Variants in SLC26A7 observed in about 807,000 individuals in gnomAD.
SLC26A7 encodes anion exchange transporter.
SLC26A7 carries 59 observed loss-of-function variants against 82.5 expected under a neutral mutation model. That is an observed-to-expected ratio of 0.72 (90% CI 0.58 to 0.89). The LOEUF is 0.89. Ranked by LOEUF, SLC26A7 falls within the 40% of genes least tolerant of loss-of-function variation. The probability of loss-of-function intolerance (pLI) is 0.00; values close to 1 mark genes in which losing one functional copy is unlikely to be tolerated. For synonymous variants in SLC26A7, 271 were observed against 274.3 expected (o/e 0.99, Z 0.12); for missense variants, 820 against 793.0 (o/e 1.03, Z -0.41).
rs142828032 is a variant in SLC26A7, at chr8:91,322,429, T to G, written c.642+4049T>G. Reference sequence around the variant, plus strand: ...TCCTGGCTCAGAAGTTAAATTGTTCTATTCTTGGCTTCCTTTAAATTCAAA... The same window carrying G: ...TCCTGGCTCAGAAGTTAAATTGTTCGATTCTTGGCTTCCTTTAAATTCAAA... On this transcript the variant is annotated intron_variant, in intron 5 of 18. Transcript: ENST00000276609. Among the ~76,000 whole-genome samples the G allele has an allele frequency of 3.2e-3, 492 of 152,306 alleles. 4 individuals carry two copies. Among genetic ancestry groups the G allele is most frequent in the African/African-American group, 0.011 (459 of 41,564 alleles).
chr8:91,326,930 C>T (rs1014613501), intron 5 of SLC26A7, among the ~76,000 whole-genome samples: 1 of 152,164 alleles, frequency 6.6e-6, no homozygotes, highest in Non-Finnish European at 1.5e-5. Flanking sequence ...ATGGCCTTCC[C>T]TGCTGTTTGT....
chr8:91,252,298 A>G (rs1810681007), intron 2 of SLC26A7, among the ~76,000 whole-genome samples: 1 of 152,118 alleles, frequency 6.6e-6, no homozygotes, highest in African/African-American at 2.4e-5. Context: ...ATTTAAATTA[A>G]GGATAATGGA....
intron 2 of SLC26A7, among the ~76,000 whole-genome samples, chr8:91,281,056 G>GA (rs1308578363): frequency 1.3e-5 from 2 of 151,992 alleles, no homozygotes; most frequent in African/African-American, 4.8e-5. Context: ...TCTCCCATTA[G>GA]AAAAAAATTT....
intron 11 of SLC26A7, among the ~76,000 whole-genome samples, chr8:91,358,717 G>A (rs1266806245): frequency 6.6e-6 from 1 of 152,150 alleles, no homozygotes; most frequent in African/African-American, 2.4e-5. Context: ...TTAAGAAAAT[G>A]TGGCACATAC....
At chr8:91,264,304 G>A (rs1811050208) in intron 2 of SLC26A7, among the ~76,000 whole-genome samples, 1 of 152,066 alleles carries the variant, frequency 6.6e-6, no homozygotes, top group Non-Finnish European at 1.5e-5. Flanking sequence ...GAATCACTGG[G>A]AGAAAAATCA....
intron 2 of SLC26A7, among the ~76,000 whole-genome samples, chr8:91,281,929 G>C (rs939925528): frequency 3.3e-5 from 5 of 152,078 alleles, no homozygotes; most frequent in Non-Finnish European, 5.9e-5. Flanking sequence ...TCTTTTGTTG[G>C]TATTTGCTAG....
At chr8:91,265,761 G>T (rs76881211) in intron 2 of SLC26A7, among the ~76,000 whole-genome samples, 1,575 of 151,966 alleles carry the variant, frequency 0.01, 19 homozygotes, top group African/African-American at 0.036. Flanking sequence ...TGTGGGGTGT[G>T]TGTGTGCGCA....
intron 4 of SLC26A7, among the ~76,000 whole-genome samples, chr8:91,303,062 G>T (rs761781563): frequency 6.6e-6 from 1 of 152,022 alleles, no homozygotes; most frequent in African/African-American, 2.4e-5. Context: ...AATTGATGCA[G>T]TTTTGTACTA....
intron 5 of SLC26A7, among the ~76,000 whole-genome samples, chr8:91,325,522 G>C (rs993046424): frequency 1.3e-5 from 2 of 152,136 alleles, no homozygotes; most frequent in African/African-American, 2.4e-5. Context: ...ACAGCTTTCA[G>C]AATCAAGTTG....
rs1810595865 is a variant in SLC26A7, at chr8:91,249,403, A to G, written c.-124A>G. 3.2e-6 allele frequency: 1 copy of G among 314,406 alleles called. No homozygotes were observed. Among genetic ancestry groups the G allele is most frequent in the Non-Finnish European group, 5.8e-6 (1 of 173,898 alleles). The allele number at this position is 314,406 out of a possible 1,614,324, so 19.5% of individuals were successfully genotyped here. ...AACAGGAACTACTTCTCCTTCAGATAAGAATTCAAGGTTTTAATCTATAGT... is the reference window on the plus strand; with the variant it reads ...AACAGGAACTACTTCTCCTTCAGATGAGAATTCAAGGTTTTAATCTATAGT... On this transcript the variant is annotated 5_prime_UTR_variant, in exon 1 of 19. The change creates a new upstream start codon in the 5' untranslated region. Transcript: ENST00000276609.
intron 11 of SLC26A7, among the ~76,000 whole-genome samples, chr8:91,355,287 G>A (rs1262165625): frequency 6.6e-6 from 1 of 152,052 alleles, no homozygotes; most frequent in Non-Finnish European, 1.5e-5. Flanking sequence ...TCAAATTTCT[G>A]AGCATGACAT....
At chr8:91,382,503 A>G (rs1563711491) in intron 15 of SLC26A7, among the ~76,000 whole-genome samples, 1 of 152,202 alleles carries the variant, frequency 6.6e-6, no homozygotes, top group Non-Finnish European at 1.5e-5. Context: ...GAGAAGTAAA[A>G]TATATTGAAG....
At chr8:91,394,368 T>C in intron 18 of SLC26A7, 2 of 1,547,906 alleles carry the variant, frequency 1.3e-6, no homozygotes, top group Non-Finnish European at 1.7e-6. Flanking sequence ...AATCCACCTT[T>C]CTCAAATATA....
chr8:91,330,535 C>T (rs1024079263), intron 5 of SLC26A7, among the ~76,000 whole-genome samples: 4 of 152,072 alleles, frequency 2.6e-5, no homozygotes, highest in Non-Finnish European at 5.9e-5. Context: ...AAAAGTTAGG[C>T]TACTATAAGA....
At chr8:91,247,801 A>G (rs10112520), upstream of SLC26A7, among the ~76,000 whole-genome samples, 6,905 of 152,190 alleles carry the variant, frequency 0.045, 174 homozygotes, top group African/African-American at 0.063. Flanking sequence ...ATAGATGTTG[A>G]TTGGTGATTT....
At chr8:91,217,634 A>T (rs772545029) in intron 1 of SLC26A7, among the ~76,000 whole-genome samples, 5 of 152,040 alleles carry the variant, frequency 3.3e-5, no homozygotes, top group Non-Finnish European at 7.4e-5. Flanking sequence ...GGAGTGAGAA[A>T]AGTTGCTCTC....
upstream of SLC26A7, among the ~76,000 whole-genome samples, chr8:91,245,028 C>T (rs984162136): frequency 6.6e-6 from 1 of 152,086 alleles, no homozygotes; most frequent in African/African-American, 2.4e-5. Flanking sequence ...TACTGGTTGG[C>T]CTATCATGAG....
intron 3 of SLC26A7, among the ~76,000 whole-genome samples, chr8:91,294,430 A>G (rs372707441): frequency 2.0e-5 from 3 of 152,180 alleles, no homozygotes; most frequent in East Asian, 3.9e-4. Context: ...AGTAAGACCA[A>G]GTATTGGCTG....
At chr8:91,215,278 C>G (rs1810023028) in intron 1 of SLC26A7, among the ~76,000 whole-genome samples, 1 of 152,116 alleles carries the variant, frequency 6.6e-6, no homozygotes, top group South Asian at 2.1e-4. Flanking sequence ...AGGAAACCAT[C>G]TTATGCTCTT....
Sources: gnomAD v4.1 joint callset for allele counts (sites outside exome capture counted in the v4.1 genomes callset) on GRCh38, gnomAD v4.1.1 for gene constraint, MANE v1.5 for transcripts, NCBI Gene and HGNC (gene_info 2026-07-23, HGNC 2026-07-21) for gene names.